USP18: variants seen among roughly 807,000 people sequenced by gnomAD.
The protein encoded by USP18 is ubiquitin specific peptidase 18, also known as ubl carboxyl-terminal hydrolase 18.
Under a neutral mutation model 48.7 loss-of-function variants are expected in USP18, and 11 were observed. The ratio of observed to expected loss-of-function variants is 0.23; its 90% CI spans 0.14 to 0.37. USP18 has a LOEUF of 0.37. Among genes scored for constraint, USP18 ranks in the 10% least tolerant of loss-of-function variants. The probability of loss-of-function intolerance (pLI) is 1.00; values close to 1 mark genes in which losing one functional copy is unlikely to be tolerated. For synonymous variants in USP18, 114 were observed against 163.2 expected (o/e 0.70, Z 2.30); for missense variants, 285 against 436.4 (o/e 0.65, Z 3.09).
At chr22:18,173,538 G>A (rs545804899) in intron 9 of USP18, among the ~76,000 whole-genome samples, 2 of 152,298 alleles carry the variant, frequency 1.3e-5, no homozygotes, top group African/African-American at 4.8e-5. Context: ...TGCTTTGTGG[G>A]AAATGTCTAG....
chr22:18,162,930 T>G (rs1929368699), intron 4 of USP18, among the ~76,000 whole-genome samples: 1 of 151,238 alleles, frequency 6.6e-6, no homozygotes, highest in African/African-American at 2.4e-5. Context: ...GTCGGCTTGA[T>G]GTCCCCTAAC....
chr22:18,166,630 C>G (rs558586516), intron 4 of USP18, among the ~76,000 whole-genome samples: 2 of 152,024 alleles, frequency 1.3e-5, no homozygotes, highest in African/African-American at 4.8e-5. Context: ...ATTCTGTATT[C>G]GCCTTCATTG....
chr22:18,161,862 G>A lies in USP18; in HGVS notation c.327G>A (p.Lys109=). Residue 109 remains lysine (K), a synonymous_variant, in exon 4 of 11, where the codon AAG becomes AAA. Transcript: ENST00000215794. Reference sequence around the variant, plus strand: ...TCCAGATGCTTCTGCTGCTGGAGAAGATGCAGGACAGCCGGCAGAAAGCAG... The same window carrying A: ...TCCAGATGCTTCTGCTGCTGGAGAAAATGCAGGACAGCCGGCAGAAAGCAG... ...VPFQMLLLLE[K]MQDSRQKAVR... The A allele has an allele frequency of 6.2e-7, 1 of 1,613,904 alleles. No individual in the cohort carries two copies. The highest frequency in any genetic ancestry group is 8.5e-7 in the Non-Finnish European group (1 of 1,179,966).
chr22:18,158,186 G>A (rs1171773491), intron 2 of USP18, among the ~76,000 whole-genome samples: 1 of 152,176 alleles, frequency 6.6e-6, no homozygotes, highest in African/African-American at 2.4e-5. Context: ...TACTTAGGTG[G>A]CTGAGGCAGG....
At chr22:18,152,343 A>AT (rs1173054971) in intron 1 of USP18, among the ~76,000 whole-genome samples, 2 of 150,746 alleles carry the variant, frequency 1.3e-5, no homozygotes, top group Admixed American at 6.6e-5. Flanking sequence ...TTCTCTGAGG[A>AT]CCCCGATTGG....
intron 8 of USP18, among the ~76,000 whole-genome samples, chr22:18,172,404 G>A (rs904076355): frequency 3.3e-5 from 5 of 152,080 alleles, no homozygotes; most frequent in African/African-American, 4.8e-5. Context: ...TCTGGTCAAC[G>A]TTCAGACTTC....
chr22:18,160,617 T>G (rs891063937), intron 3 of USP18, among the ~76,000 whole-genome samples: 2 of 152,146 alleles, frequency 1.3e-5, no homozygotes, highest in African/African-American at 4.8e-5. Context: ...TATTTCATTT[T>G]TAATATATTC....
rs1929196881 is a variant in USP18, at chr22:18,157,610, T to C, written c.-54T>C. The C allele has an allele frequency of 4.4e-6, 7 of 1,607,014 alleles. No individual in the cohort carries two copies. Among genetic ancestry groups the C allele is most frequent in the Non-Finnish European group, 6.0e-6 (7 of 1,175,682 alleles). On this transcript the variant is annotated 5_prime_UTR_variant, in exon 2 of 11. Coordinates refer to ENST00000215794, the MANE Select transcript of USP18 (RefSeq NM_017414.4). ...GCGCTTCCTGGAAGTGAAGTCGTGC[T>C]GTCCTGAACGCGGGCCAGGCAGCTG...
At position 18,160,182 on chromosome 22, in the gene USP18, T is replaced by G; in HGVS notation, c.168T>G (p.Gly56=). 6.2e-7 allele frequency: 1 copy of G among 1,614,166 alleles called. No homozygotes were observed. The change falls in exon 3 of 11, where the codon GGT becomes GGG. Residue 56 remains glycine (G), a synonymous_variant. Transcript: ENST00000215794. ...RAWDYPHGLV[G]LHNIGQTCCL... is the part of the protein sequence containing the mutation. ...CTCTTCCCCTTATAGGCCTGGTTGG[T>G]TTACACAACATTGGACAGACCTGCT...
At chr22:18,150,980 T>C (rs1164041641) in intron 1 of USP18, among the ~76,000 whole-genome samples, 1 of 152,136 alleles carries the variant, frequency 6.6e-6, no homozygotes, top group African/African-American at 2.4e-5. Context: ...TGATACATGG[T>C]ATGGGAAGTA....
rs763731858 is a variant in USP18 at position 18,173,206 on chromosome 22, C to T, written c.948C>T (p.Ser316=). The change falls in exon 9 of 11, where the codon TCC becomes TCT. Residue 316 remains serine, a synonymous_variant. Coordinates refer to ENST00000215794, the MANE Select transcript of USP18 (RefSeq NM_017414.4). ...TTGCGCACGTGGGAATGGCAGACTCCGGTCATTACTGTGTCTACATCCGGA... is the reference window on the plus strand; with the variant it reads ...TTGCGCACGTGGGAATGGCAGACTCTGGTCATTACTGTGTCTACATCCGGA... ...AVIAHVGMAD[S]GHYCVYIRNA... 88 of 1,610,468 alleles carry T rather than the reference C, an allele frequency of 5.5e-5. No homozygotes were observed. The highest frequency in any genetic ancestry group is 7.0e-5 in the Non-Finnish European group (82 of 1,178,088).
intron 2 of USP18, 124 bp from the exon 3 acceptor site, chr22:18,160,048 A>T: frequency 1.1e-6 from 1 of 881,944 alleles, no homozygotes; most frequent in Non-Finnish European, 1.9e-6. Context: ...TCCCGACCTC[A>T]GGTGATCCGC....
chr22:18,175,798 G>A (rs1021683427), intron 10 of USP18, among the ~76,000 whole-genome samples: 2 of 149,238 alleles, frequency 1.3e-5, no homozygotes, highest in Non-Finnish European at 2.9e-5. Flanking sequence ...AACAAAGCAA[G>A]ACTCCATCTC....
rs146013799 is a variant in USP18, at chr22:18,167,406, G to A, written c.480+72G>A. 5,519 of 1,563,730 alleles carry A rather than the reference G, an allele frequency of 3.5e-3. 160 individuals carry two copies. In the African/African-American group the frequency reaches 0.065, roughly 18 times the overall value. ...TTTCACTCATTCAGCTGTTGTTCCC[G>A]TAGTGTGTAGAGGAATAAAAGAGTT... is the stretch of plus-strand genomic sequence containing the variant. On this transcript the variant is annotated intron_variant, in intron 5 of 10. Transcript: ENST00000215794.
At chr22:18,150,899 C>T (rs915996977) in intron 1 of USP18, among the ~76,000 whole-genome samples, 7 of 152,176 alleles carry the variant, frequency 4.6e-5, no homozygotes, top group Admixed American at 4.6e-4. Context: ...TGCGGTGAGC[C>T]GAGATCGCAC....
chr22:18,173,696 G>C (rs1404248525), intron 9 of USP18, 97 bp from the exon 10 acceptor site: 4 of 1,561,384 alleles, frequency 2.6e-6, no homozygotes, highest in Non-Finnish European at 3.5e-6. Flanking sequence ...GCTAGGGGTG[G>C]GCTTGTCTGG....
chr22:18,173,672 G>C (rs892391747), intron 9 of USP18, 121 bp from the exon 10 acceptor site: 35 of 1,410,908 alleles, frequency 2.5e-5, no homozygotes, highest in African/African-American at 1.7e-4. Context: ...TGTTGCTCCA[G>C]GCTCTTGGGA....
chr22:18,152,821 AG>A (rs2123724531), intron 1 of USP18, among the ~76,000 whole-genome samples: 1 of 152,184 alleles, frequency 6.6e-6, no homozygotes, highest in Non-Finnish European at 1.5e-5. Context: ...TTTGGGACCG[AG>A]CCTGCTCAAA....
chr22:18,155,699 C>T (rs1484735109), intron 1 of USP18, among the ~76,000 whole-genome samples: 6 of 152,244 alleles, frequency 3.9e-5, no homozygotes, highest in Non-Finnish European at 5.9e-5. Context: ...CGATTTCTCG[C>T]CGGGCCTTAG....
Sources: gnomAD v4.1 joint callset for allele counts (sites outside exome capture counted in the v4.1 genomes callset) on GRCh38, gnomAD v4.1.1 for gene constraint, MANE v1.5 for transcripts, NCBI Gene and HGNC (gene_info 2026-07-23, HGNC 2026-07-21) for gene names.